Variants in S100PBP observed in about 807,000 individuals in gnomAD.
S100PBP encodes S100P-binding protein.
In S100PBP, 15 loss-of-function variants were observed where a neutral mutation model predicts 39.9. The ratio of observed to expected loss-of-function variants is 0.38; its 90% CI spans 0.25 to 0.58. The LOEUF is 0.58. Ranked by LOEUF, S100PBP falls within the 20% of genes least tolerant of loss-of-function variation. S100PBP has a pLI of 0.70. For synonymous variants in S100PBP, 178 were observed against 180.3 expected (o/e 0.99, Z 0.10); for missense variants, 504 against 487.3 (o/e 1.03, Z -0.32).
At chr1:32,822,478 T>C (rs1028479546) in intron 1 of S100PBP, among the ~76,000 whole-genome samples, 2 of 151,816 alleles carry the variant, frequency 1.3e-5, no homozygotes, top group African/African-American at 4.8e-5. Context: ...CCAGGCGTGG[T>C]GGCGGGCGCC....
chr1:32,848,019 G>A (rs1640453627), intron 5 of S100PBP, among the ~76,000 whole-genome samples: 2 of 152,112 alleles, frequency 1.3e-5, no homozygotes, highest in South Asian at 4.1e-4. Context: ...TCAGAAATGT[G>A]TGCCTCTAAC....
chr1:32,832,765 A>T (rs1351258415), intron 5 of S100PBP, among the ~76,000 whole-genome samples: 1 of 152,228 alleles, frequency 6.6e-6, no homozygotes, highest in African/African-American at 2.4e-5. Context: ...ACCTTGAAAA[A>T]GTGTAATTCT....
At chr1:32,823,604 C>T (rs1443008946) in intron 1 of S100PBP, among the ~76,000 whole-genome samples, 1 of 152,148 alleles carries the variant, frequency 6.6e-6, no homozygotes, top group East Asian at 1.9e-4. Context: ...ATTTCTTTTT[C>T]TCCCATTTCA....
At chr1:32,823,130 G>A (rs1639162195) in intron 1 of S100PBP, among the ~76,000 whole-genome samples, 1 of 152,168 alleles carries the variant, frequency 6.6e-6, no homozygotes, top group South Asian at 2.1e-4. Flanking sequence ...AGTTTCCCAA[G>A]AGGGAAAAAT....
At chr1:32,837,088 AC>A (rs1475634488) in intron 5 of S100PBP, 1 of 148,224 alleles carries the variant, frequency 6.7e-6, no homozygotes, top group East Asian at 2.0e-4. Flanking sequence ...AAAAAAACAT[AC>A]AAAAATTAGC....
intron 4 of S100PBP, 49 bp from the exon 5 acceptor site, chr1:32,829,915 C>A: frequency 7.6e-7 from 1 of 1,316,774 alleles, no homozygotes. Flanking sequence ...ACGCTATATT[C>A]CTGTTTCTAA....
At chr1:32,845,477 C>G (rs556600241) in intron 5 of S100PBP, among the ~76,000 whole-genome samples, 1 of 152,106 alleles carries the variant, frequency 6.6e-6, no homozygotes, top group South Asian at 2.1e-4. Flanking sequence ...CACTGTTACC[C>G]AGGCTAGTCT....
intron 1 of S100PBP, chr1:32,818,752 T>G (rs987090928): frequency 6.6e-6 from 1 of 152,262 alleles, no homozygotes; most frequent in Non-Finnish European, 1.5e-5. Flanking sequence ...TGCAAAACTG[T>G]TACAGATAAT....
chr1:32,838,410 A>G (rs1639941000), intron 5 of S100PBP, among the ~76,000 whole-genome samples: 1 of 151,626 alleles, frequency 6.6e-6, no homozygotes, highest in African/African-American at 2.4e-5. Context: ...TTTCATTTCT[A>G]TTAGCAGTTG....
intron 5 of S100PBP, among the ~76,000 whole-genome samples, chr1:32,849,275 C>A (rs956469230): frequency 1.3e-5 from 2 of 151,890 alleles, no homozygotes; most frequent in Admixed American, 1.3e-4. Flanking sequence ...CCCCTGGAGT[C>A]GATGGGACTA....
intron 5 of S100PBP, among the ~76,000 whole-genome samples, chr1:32,850,213 A>G (rs764532239): frequency 2.0e-5 from 3 of 152,248 alleles, no homozygotes; most frequent in South Asian, 4.1e-4. Context: ...GACATGTTCT[A>G]TAGATAATCT....
intron 1 of S100PBP, among the ~76,000 whole-genome samples, chr1:32,823,303 G>A (rs985928574): frequency 1.3e-5 from 2 of 152,114 alleles, no homozygotes; most frequent in African/African-American, 4.8e-5. Context: ...TTAAGTCAAA[G>A]AATGTTTTCC....
chr1:32,851,204 A>G (rs1489328465), intron 5 of S100PBP, among the ~76,000 whole-genome samples: 5 of 152,210 alleles, frequency 3.3e-5, no homozygotes, highest in East Asian at 1.9e-4. Context: ...TGAGGCTTCA[A>G]ATAAATTACA....
Position 32,826,539 on chromosome 1 carries a change from C to G in S100PBP, c.440C>G (p.Thr147Ser), listed in dbSNP as rs1422905363. The change falls in exon 3 of 7, where the codon ACT (threonine) becomes AGT (serine). Residue 147 changes from threonine (T) to serine (S), a missense_variant. Transcript: ENST00000373475. ...CTAGAAAAGAATCTTATAAAAGTAA[C>G]TGTTGCACCATTTAATCCAACAGTT... Reference protein sequence around the residue: ...SVLEKNLIKVTVAPFNPTVCD... With the variant: ...SVLEKNLIKVSVAPFNPTVCD... 2 of 1,614,010 alleles carry G rather than the reference C, an allele frequency of 1.2e-6. No individual in the cohort carries two copies. Among genetic ancestry groups the G allele is most frequent in the African/African-American group, 1.3e-5 (1 of 75,050 alleles).
intron 5 of S100PBP, among the ~76,000 whole-genome samples, chr1:32,843,453 C>T (rs1640213061): frequency 1.3e-5 from 2 of 151,840 alleles, no homozygotes; most frequent in South Asian, 4.2e-4. Context: ...AGCCACCACA[C>T]CCGGCTAATT....
chr1:32,825,794 A>T (rs1210910539), intron 2 of S100PBP, among the ~76,000 whole-genome samples: 1 of 152,228 alleles, frequency 6.6e-6, no homozygotes, highest in Non-Finnish European at 1.5e-5. Flanking sequence ...ATTACTCTTC[A>T]CAAAATATCG....
chr1:32,816,790 A>C (rs1263832166), upstream of S100PBP: 2 of 241,410 alleles, frequency 8.3e-6, no homozygotes, highest in Admixed American at 1.0e-4. Flanking sequence ...TAAAGCTCCC[A>C]GTATAGCATC....
rs572156069 is a variant in S100PBP, at chr1:32,821,612, G to C, written c.-119-3701G>C. Among the ~76,000 whole-genome samples the C allele has an allele frequency of 2.0e-5, 3 of 148,962 alleles. No homozygotes were observed. The South Asian group carries it at 6.4e-4, about 32-fold the overall frequency. On this transcript the variant is annotated intron_variant, in intron 1 of 6. Transcript: ENST00000373475. ...TAGGATTACAGGCGTGAGCCACTGC[G>C]CCTGGCCTGTTTCTTTTTTCTTTCT...
chr1:32,850,181 A>G (rs1242034441), intron 5 of S100PBP, among the ~76,000 whole-genome samples: 1 of 152,180 alleles, frequency 6.6e-6, no homozygotes, highest in East Asian at 1.9e-4. Flanking sequence ...AATGCAGGTG[A>G]TAAGAAATGA....
Sources: allele counts gnomAD v4.1 joint callset (sites outside exome capture counted in the v4.1 genomes callset), GRCh38; gene constraint gnomAD v4.1.1; transcripts MANE v1.5; gene names NCBI Gene and HGNC (gene_info 2026-07-23, HGNC 2026-07-21).